Variants in ARHGEF17 observed in about 807,000 individuals in gnomAD.
ARHGEF17 encodes 164 kDa Rho-specific guanine-nucleotide exchange factor.
In ARHGEF17, 80 loss-of-function variants were observed where a neutral mutation model predicts 174.0. That is an observed-to-expected ratio of 0.46 (90% CI 0.38 to 0.55). ARHGEF17 has a LOEUF of 0.55. ARHGEF17 is among the 20% of genes least tolerant of loss of function. The pLI is 0.00. For synonymous variants in ARHGEF17, 1,311 were observed against 1,189.1 expected, an observed-to-expected ratio of 1.10 and a Z score of -2.11; for missense variants, 2,886 against 2,839.7, an observed-to-expected ratio of 1.02 and a Z score of -0.37.
In ARHGEF17 at chr11:73,308,947, C is replaced by G; in HGVS notation, c.309C>G (p.Asp103Glu). The stretch of plus-strand genomic sequence containing the variant: ...ACGACGGCTCCGCTGGGACCCGAGA[C>G]GGAGGCGTCTTACCCGCGGCCGCGG... The part of the protein sequence containing the change: ...RLDDGSAGTR[D>E]GGVLPAAAEE... The change falls in exon 1 of 21, where the codon GAC becomes GAG. Residue 103 changes from aspartate (D) to glutamate (E), a missense_variant. Transcript: ENST00000263674. 1 of 1,362,452 alleles carries G rather than the reference C, an allele frequency of 7.3e-7. No individual in the cohort carries two copies. Among genetic ancestry groups the G allele is most frequent in the Middle Eastern group, 2.3e-4 (1 of 4,442 alleles). 84.4% of individuals were successfully genotyped at this position (1,362,452 alleles called of 1,614,324 possible).
intron 4 of ARHGEF17, 38 bp downstream of exon 4, chr11:73,355,687 C>G: frequency 6.3e-7 from 1 of 1,595,508 alleles, no homozygotes; most frequent in East Asian, 2.2e-5. Context: ...AGGTGACCCT[C>G]ACCTTGGGCC....
At chr11:73,354,669 G>A (rs1018579805) in intron 3 of ARHGEF17, among the ~76,000 whole-genome samples, 2 of 151,224 alleles carry the variant, frequency 1.3e-5, no homozygotes, top group African/African-American at 2.4e-5. Context: ...AGCCGAGATC[G>A]TGCCATTGCA....
At chr11:73,351,891 GC>G (rs1310528124) in intron 2 of ARHGEF17, among the ~76,000 whole-genome samples, 1 of 152,000 alleles carries the variant, frequency 6.6e-6, no homozygotes, top group Non-Finnish European at 1.5e-5. Context: ...CCGCATTATC[GC>G]CTTTTAACTG....
At chr11:73,331,405 GCCCCTGGA>G (rs1000514886) in intron 1 of ARHGEF17, among the ~76,000 whole-genome samples, 1 of 152,104 alleles carries the variant, frequency 6.6e-6, no homozygotes, top group Non-Finnish European at 1.5e-5. Context: ...GCTTTCCTGG[GCCCCTGGA>G]CCTTCCTCCC....
intron 17 of ARHGEF17, 98 bp downstream of exon 17, chr11:73,364,337 G>A: frequency 6.2e-7 from 1 of 1,602,088 alleles, no homozygotes; most frequent in South Asian, 1.1e-5. Context: ...CAGGCCCTCT[G>A]TGGGCCTTGG....
chr11:73,334,300 TA>T (rs1865254125), intron 1 of ARHGEF17, among the ~76,000 whole-genome samples: 1 of 152,006 alleles, frequency 6.6e-6, no homozygotes, highest in South Asian at 2.1e-4. Context: ...AGGCAGAGCA[TA>T]AAAGTTAGAT....
chr11:73,366,700 C>T (rs1336677879), intron 20 of ARHGEF17, among the ~76,000 whole-genome samples: 1 of 152,060 alleles, frequency 6.6e-6, no homozygotes, highest in Non-Finnish European at 1.5e-5. Flanking sequence ...TGCACCACTG[C>T]ACCCCAGCCT....
intron 13 of ARHGEF17, 58 bp downstream of exon 13, chr11:73,362,297 C>A: frequency 1.4e-6 from 2 of 1,459,836 alleles, no homozygotes; most frequent in Non-Finnish European, 9.0e-7. Context: ...CAACCCCTGT[C>A]CCAGCACACT....
At chr11:73,316,716 G>A (rs2135787982) in intron 1 of ARHGEF17, among the ~76,000 whole-genome samples, 1 of 152,340 alleles carries the variant, frequency 6.6e-6, no homozygotes, top group African/African-American at 2.4e-5. Flanking sequence ...GATCATGTAG[G>A]CCAATAGGAG....
In ARHGEF17 at chr11:73,310,889, A is replaced by C; in HGVS notation, c.2251A>C (p.Thr751Pro). The change falls in exon 1 of 21, where the codon ACT becomes CCT. Residue 751 changes from threonine (T) to proline (P), a missense_variant. Transcript: ENST00000263674. Reference protein sequence around the residue: ...RHRAATSEEPTGFSVDSNLLG... With the variant: ...RHRAATSEEPPGFSVDSNLLG... ...CCGGGCTGCCACCTCTGAAGAGCCT[A>C]CTGGGTTCTCTGTGGACAGCAACCT... The C allele has an allele frequency of 6.2e-7, 1 of 1,613,060 alleles. No individual in the cohort carries two copies. The highest frequency in any genetic ancestry group is 8.5e-7 in the Non-Finnish European group (1 of 1,179,540).
intron 1 of ARHGEF17, among the ~76,000 whole-genome samples, chr11:73,343,489 C>T (rs1865409861): frequency 6.6e-6 from 1 of 152,158 alleles, no homozygotes; most frequent in Non-Finnish European, 1.5e-5. Context: ...CCTGGTGGCA[C>T]TCCGCTTGCA....
chr11:73,330,978 G>T (rs1865194649), intron 1 of ARHGEF17, among the ~76,000 whole-genome samples: 1 of 152,198 alleles, frequency 6.6e-6, no homozygotes, highest in Non-Finnish European at 1.5e-5. Context: ...ATCCAGGAAG[G>T]CCAGGGGTTT....
rs535121103 is a variant in ARHGEF17, at chr11:73,313,788, C to T, written c.3192+1958C>T. On this transcript the variant is annotated intron_variant, in intron 1 of 20. Coordinates refer to ENST00000263674, the MANE Select transcript of ARHGEF17 (RefSeq NM_014786.4). ...GATCCCTGTGTGGCCTAGGATCCATCATATCCCTGCTCTGTGCCTCACTTC... is the reference window on the plus strand; with the variant it reads ...GATCCCTGTGTGGCCTAGGATCCATTATATCCCTGCTCTGTGCCTCACTTC... Among the ~76,000 whole-genome samples, 3 of 152,344 alleles carry T rather than the reference C, an allele frequency of 2.0e-5. No homozygotes were observed. In the East Asian group the frequency reaches 5.8e-4, roughly 29 times the overall value.
intron 3 of ARHGEF17, among the ~76,000 whole-genome samples, chr11:73,354,848 C>T (rs1290038796): frequency 1.3e-5 from 2 of 152,240 alleles, no homozygotes; most frequent in African/African-American, 4.8e-5. Context: ...TTACCAATAA[C>T]CTCCATATTT....
intron 2 of ARHGEF17, among the ~76,000 whole-genome samples, chr11:73,350,919 G>A (rs1012297721): frequency 6.6e-6 from 1 of 152,274 alleles, no homozygotes; most frequent in Non-Finnish European, 1.5e-5. Context: ...TCTGTGCAGT[G>A]AGATGCCCCA....
At chr11:73,319,959 A>T (rs1207483042) in intron 1 of ARHGEF17, among the ~76,000 whole-genome samples, 1 of 151,972 alleles carries the variant, frequency 6.6e-6, no homozygotes, top group African/African-American at 2.4e-5. Flanking sequence ...AGGGCAATTG[A>T]TAGGAGAGTT....
Position 73,369,303 on chromosome 11 carries a change from C to T in ARHGEF17, c.*1523C>T, listed in dbSNP as rs1484250230. The T allele has an allele frequency of 6.6e-6, 1 of 152,228 alleles. No homozygotes were observed. Among genetic ancestry groups the T allele is most frequent in the Non-Finnish European group, 1.5e-5 (1 of 68,046 alleles). 9.4% of individuals were successfully genotyped at this position (152,228 alleles called of 1,614,324 possible). On this transcript the variant is annotated 3_prime_UTR_variant, in exon 21 of 21. Coordinates refer to ENST00000263674, the MANE Select transcript of ARHGEF17 (RefSeq NM_014786.4). ...GGAAAATAAAGGGGTTGTACCAGTT[C>T]AGTGCTTTGTAACCAGGGTTACATG...
At position 73,309,521 on chromosome 11, in the gene ARHGEF17, C is replaced by G. The variant is rs758590601; in HGVS notation, c.883C>G (p.Leu295Val). 5 of 1,569,062 alleles carry G rather than the reference C, an allele frequency of 3.2e-6. No individual in the cohort carries two copies. The African/African-American group carries it at 6.8e-5, about 21-fold the overall frequency. Residue 295 changes from leucine to valine, a missense_variant, in exon 1 of 21, where the codon CTC becomes GTC. Leu to Val is a conservative substitution (Grantham distance 32, BLOSUM62 1). This residue lies in a region of ARHGEF17 where 1,728 missense variants were observed against 1,461.2 expected (regional missense o/e 1.18). Coordinates refer to ENST00000263674, the MANE Select transcript of ARHGEF17 (RefSeq NM_014786.4). ...GGHRWGGRPG[L>V]RPGSSLLDQD... ...CCACCGCTGGGGAGGGAGGCCCGGG[C>G]TCAGGCCTGGAAGCTCCCTATTGGA...
rs17131974 is a variant in ARHGEF17 at position 73,351,288 on chromosome 11, T to C, written c.3271-1542T>C. Among the ~76,000 whole-genome samples the C allele has an allele frequency of 2.2e-3, 338 of 152,166 alleles. 4 individuals are homozygous for C. The highest frequency in any genetic ancestry group is 7.6e-3 in the African/African-American group (313 of 41,402). On this transcript the variant is annotated intron_variant, in intron 2 of 20. Coordinates refer to ENST00000263674, the MANE Select transcript of ARHGEF17 (RefSeq NM_014786.4). ...TTAAAAATGTTTAATATAAATGTTA[T>C]TGCAACATCACATATGCTTTTTCAA... is the stretch of plus-strand genomic sequence containing the variant.
Sources: gnomAD v4.1 joint callset for allele counts (sites outside exome capture counted in the v4.1 genomes callset) on GRCh38, gnomAD v4.1.1 for gene constraint, gnomAD v4.1.1 regional missense constraint, MANE v1.5 for transcripts, NCBI Gene and HGNC (gene_info 2026-07-23, HGNC 2026-07-21) for gene names.